Variants in WIPI1 observed in about 807,000 individuals in gnomAD.
WIPI1 encodes the protein WD repeat domain, phosphoinositide interacting 1.
Under a neutral mutation model 55.3 loss-of-function variants are expected in WIPI1, and 45 were observed. The observed-to-expected ratio is 0.81, with a 90% CI of 0.64 to 1.04. The LOEUF (loss-of-function observed/expected upper bound fraction) is 1.04, where lower values mean the gene tolerates loss of function less well. Among genes scored for constraint, WIPI1 ranks in the 50% least tolerant of loss-of-function variants. The pLI is 0.00. For synonymous variants in WIPI1, 195 were observed against 217.6 expected (o/e 0.90, Z 0.92); for missense variants, 445 against 559.0 (o/e 0.80, Z 2.06).
intron 12 of WIPI1, chr17:68,422,638 AG>A (rs1395897543): frequency 6.7e-6 from 1 of 148,598 alleles, no homozygotes; most frequent in Non-Finnish European, 1.5e-5. Flanking sequence ...CTGAGGCACT[AG>A]AATCACTTGA....
intron 10 of WIPI1, 135 bp from the exon 11 acceptor site, chr17:68,427,388 G>C (rs1268485341): frequency 1.5e-6 from 1 of 667,788 alleles, no homozygotes; most frequent in African/African-American, 1.8e-5. Flanking sequence ...GCAGGGTCTT[G>C]CTCTATTGCC....
In WIPI1 at chr17:68,444,667, C is replaced by CAT; in HGVS notation, c.334-80_334-79dup. On this transcript the variant is annotated intron_variant, in intron 3 of 12. Coordinates refer to ENST00000262139, the MANE Select transcript of WIPI1 (RefSeq NM_017983.7). ...GACCAAATCCAAATCATTCATCTTT[C>CAT]ATATGAGTCCTAACTTGATTCTAAG... is the stretch of plus-strand genomic sequence containing the variant. 3.4e-6 allele frequency: 4 copies of CAT among 1,193,588 alleles called. No homozygotes were observed. In the Admixed American group the frequency reaches 8.8e-5, roughly 26 times the overall value. The allele number at this position is 1,193,588 out of a possible 1,614,324, so 73.9% of individuals were successfully genotyped here.
At chr17:68,426,254 G>GGGGGCCCCCCCCCCC in intron 11 of WIPI1, 79 bp from the exon 12 acceptor site, 2 of 816,916 alleles carry the variant, frequency 2.4e-6, no homozygotes, top group Non-Finnish European at 1.9e-6. Context: ...GGGAGCGGGG[G>GGGGGCCCCCCCCCCC]CTCAAATAAA....
rs2082752355 is a variant in WIPI1 at position 68,421,292 on chromosome 17, GATTTT to G, written c.*476_*480del. ...AAAAACCTCAAAAATGCATTGCCATGATTTTATTATTAGTGTCCAAAATGGGACTC... is the reference window on the plus strand; with the variant it reads ...AAAAACCTCAAAAATGCATTGCCATGATTATTAGTGTCCAAAATGGGACTC... On this transcript the variant is annotated 3_prime_UTR_variant, in exon 13 of 13. Transcript: ENST00000262139. The G allele has an allele frequency of 6.3e-6, 1 of 157,592 alleles. No individual in the cohort carries two copies. The highest frequency in any genetic ancestry group is 2.4e-5 in the African/African-American group (1 of 41,484). 9.8% of individuals were successfully genotyped at this position (157,592 alleles called of 1,614,324 possible).
chr17:68,425,894 A>T, intron 12 of WIPI1, 181 bp downstream of exon 12: 6 of 593,114 alleles, frequency 1.0e-5, no homozygotes, highest in Non-Finnish European at 1.8e-5. Flanking sequence ...CCTAAAGCCT[A>T]CTCTGTAGGA....
chr17:68,421,637 G>A lies in WIPI1; in HGVS notation c.*136C>T. 2 of 1,257,272 alleles carry A rather than the reference G, an allele frequency of 1.6e-6. No individual in the cohort carries two copies. The highest frequency in any genetic ancestry group is 2.3e-6 in the Non-Finnish European group (2 of 871,828). The allele number at this position is 1,257,272 out of a possible 1,614,324, so 77.9% of individuals were successfully genotyped here. The stretch of plus-strand genomic sequence containing the variant: ...TGGTGAGGAGTTAACCAGGTCCTGT[G>A]GTTTAAGCAGTGGAGCACCCGGGAT... On this transcript the variant is annotated 3_prime_UTR_variant, in exon 13 of 13. Coordinates refer to ENST00000262139, the MANE Select transcript of WIPI1 (RefSeq NM_017983.7).
At chr17:68,435,757 G>T in intron 5 of WIPI1, 45 bp from the exon 6 acceptor site, 1 of 1,569,904 alleles carries the variant, frequency 6.4e-7, no homozygotes, top group South Asian at 1.1e-5. Flanking sequence ...GCGGAGGAGG[G>T]AAGATGGATT....
At chr17:68,430,524 G>A (rs1311644908) in intron 8 of WIPI1, among the ~76,000 whole-genome samples, 2 of 152,132 alleles carry the variant, frequency 1.3e-5, no homozygotes, top group Non-Finnish European at 2.9e-5. Context: ...AATAAGCTTG[G>A]GACTGTGCCG....
At chr17:68,437,947 T>TAAAAACAAAAAAAAAAAAA (rs1568638070) in intron 4 of WIPI1, among the ~76,000 whole-genome samples, 1 of 58,786 alleles carries the variant, frequency 1.7e-5, no homozygotes, top group Non-Finnish European at 3.1e-5. Context: ...GACATCTCTC[T>TAAAAACAAAAAAAAAAAAA]TAAAAAAAAA....
intron 4 of WIPI1, among the ~76,000 whole-genome samples, chr17:68,438,486 G>A (rs190833290): frequency 6.6e-6 from 1 of 152,314 alleles, no homozygotes; most frequent in Admixed American, 6.5e-5. Context: ...CCAAAGAGGC[G>A]GCTGGCAGAA....
intron 12 of WIPI1, 24 bp from the exon 13 acceptor site, chr17:68,421,844 C>T (rs556770534): frequency 6.2e-7 from 1 of 1,614,102 alleles, no homozygotes; most frequent in African/African-American, 1.3e-5. Flanking sequence ...AACAGAATGG[C>T]CTTACTCTTC....
At chr17:68,424,440 A>G (rs1407746027) in intron 12 of WIPI1, 1 of 534,768 alleles carries the variant, frequency 1.9e-6, no homozygotes, top group Non-Finnish European at 3.8e-6. Flanking sequence ...CCTGCACTCC[A>G]TCCTTTTACA....
chr17:68,442,464 CAAAA>C (rs1182675630), intron 4 of WIPI1, among the ~76,000 whole-genome samples: 2 of 62,782 alleles, frequency 3.2e-5, no homozygotes, highest in East Asian at 4.2e-4. Context: ...GACTGTGTCT[CAAAA>C]AAAAAAAAAA....
At chr17:68,451,848 A>G (rs1243733680) in intron 2 of WIPI1, among the ~76,000 whole-genome samples, 1 of 152,256 alleles carries the variant, frequency 6.6e-6, no homozygotes, top group Non-Finnish European at 1.5e-5. Context: ...TCCTGAGCAC[A>G]AAGGTTACGG....
intron 11 of WIPI1, 60 bp from the exon 12 acceptor site, chr17:68,426,235 T>TGGG: frequency 6.1e-6 from 4 of 652,378 alleles, no homozygotes; most frequent in Non-Finnish European, 8.8e-6. Flanking sequence ...TGCCATGACC[T>TGGG]GGCGGGTGGG....
chr17:68,444,627 C>A, intron 3 of WIPI1, 38 bp from the exon 4 acceptor site: 1 of 1,561,824 alleles, frequency 6.4e-7, no homozygotes, highest in South Asian at 1.1e-5. Flanking sequence ...CCGAACCGTT[C>A]CTTACAAAGA....
chr17:68,445,670 G>A lies in WIPI1; in HGVS notation c.334-1081C>T, dbSNP rs1271663192. Among the ~76,000 whole-genome samples, 5 of 152,220 alleles carry A rather than the reference G, an allele frequency of 3.3e-5. No individual in the cohort carries two copies. In the East Asian group the frequency reaches 9.6e-4, roughly 29 times the overall value. The stretch of plus-strand genomic sequence containing the variant: ...CCAATGGCTGTGCTCTCAGCTAAGT[G>A]AAAACAGGCCACAGGGTTGATGTAT... On this transcript the variant is annotated intron_variant, in intron 3 of 12. Coordinates refer to ENST00000262139, the MANE Select transcript of WIPI1 (RefSeq NM_017983.7).
Position 68,433,475 on chromosome 17 carries a change from T to C in WIPI1, c.793A>G (p.Thr265Ala), listed in dbSNP as rs953866383. The C allele has an allele frequency of 6.2e-6, 10 of 1,613,848 alleles. No homozygotes were observed. The highest frequency in any genetic ancestry group is 1.6e-4 in the Middle Eastern group (1 of 6,084). Residue 265 changes from threonine (T) to alanine (A), a missense_variant, in exon 8 of 13, where the codon ACC becomes GCC. By Grantham distance (58) the Thr-to-Ala change is moderately conservative. Coordinates refer to ENST00000262139, the MANE Select transcript of WIPI1 (RefSeq NM_017983.7). ...TVHIFKLEQV[T>A]NSRPEEPSTW... Reference sequence around the variant, plus strand: ...GCCCCGCGGAGTACTTGCCTGTTGGTGACCTGTTCCAGCTTGAAGATGTGT... The same window carrying C: ...GCCCCGCGGAGTACTTGCCTGTTGGCGACCTGTTCCAGCTTGAAGATGTGT...
At chr17:68,438,821 A>C (rs1235478038) in intron 4 of WIPI1, among the ~76,000 whole-genome samples, 3 of 152,182 alleles carry the variant, frequency 2.0e-5, no homozygotes, top group Non-Finnish European at 4.4e-5. Context: ...GGCTGTCTCG[A>C]ACTCGTGACC....
Sources: allele counts gnomAD v4.1 joint callset (sites outside exome capture counted in the v4.1 genomes callset), GRCh38; gene constraint gnomAD v4.1.1; transcripts MANE v1.5; gene names NCBI Gene and HGNC (gene_info 2026-07-23, HGNC 2026-07-21).